The following RFT1 variants were observed in gnomAD, a reference collection of about 807,000 sequenced individuals.
RFT1 encodes the protein man(5)GlcNAc(2)-PP-dolichol translocation protein RFT1.
In RFT1, 43 loss-of-function variants were observed where a neutral mutation model predicts 62.2. The observed-to-expected ratio is 0.69, with a 90% CI of 0.54 to 0.89. RFT1 has a LOEUF of 0.89. Ranked by LOEUF, RFT1 falls within the 40% of genes least tolerant of loss-of-function variation. RFT1 has a pLI of 0.00. For synonymous variants in RFT1, 262 were observed against 264.6 expected (o/e 0.99, Z 0.10); for missense variants, 605 against 649.9 (o/e 0.93, Z 0.75).
intron 6 of RFT1, among the ~76,000 whole-genome samples, chr3:53,119,404 G>C (rs1168250948): frequency 6.6e-6 from 1 of 152,210 alleles, no homozygotes; most frequent in Non-Finnish European, 1.5e-5. Flanking sequence ...ACCTAGGACA[G>C]GTATTTATTC....
the RFT1 span, among the ~76,000 whole-genome samples, chr3:53,074,589 C>T: frequency 2.6e-5 from 4 of 152,134 alleles, no homozygotes; most frequent in African/African-American, 2.4e-5. Context: ...CCAGCTAGGC[C>T]TGGGCCCAGG....
chr3:53,093,057 A>C (rs1701042835), intron 11 of RFT1, among the ~76,000 whole-genome samples: 1 of 152,220 alleles, frequency 6.6e-6, no homozygotes, highest in African/African-American at 2.4e-5. Flanking sequence ...AGACAAGGGA[A>C]GCAGCACAGA....
chr3:53,092,642 G>C, intron 11 of RFT1, 24 bp from the exon 12 acceptor site: 1 of 1,605,638 alleles, frequency 6.2e-7, no homozygotes, highest in Non-Finnish European at 8.5e-7. Flanking sequence ...AGGAAAAGGA[G>C]GGCAGTGGTG....
intron 6 of RFT1, among the ~76,000 whole-genome samples, chr3:53,119,056 AT>A (rs1420383880): frequency 2.1e-5 from 3 of 143,636 alleles, no homozygotes; most frequent in South Asian, 2.2e-4. Context: ...ACAAAAAAAA[AT>A]TTTTTAATTA....
At chr3:53,116,519 C>G (rs1198899797) in intron 6 of RFT1, among the ~76,000 whole-genome samples, 1 of 151,756 alleles carries the variant, frequency 6.6e-6, no homozygotes, top group Non-Finnish European at 1.5e-5. Flanking sequence ...GTCTCAAACT[C>G]CTGGGCTCAA....
intron 6 of RFT1, among the ~76,000 whole-genome samples, chr3:53,118,236 C>A (rs1169601456): frequency 6.6e-6 from 1 of 152,162 alleles, no homozygotes; most frequent in Non-Finnish European, 1.5e-5. Context: ...GTATGAAAAT[C>A]TGCCAGGCTT....
At position 53,103,121 on chromosome 3, in the gene RFT1, C is replaced by T. The variant is rs866895226; in HGVS notation, c.1102+832G>A. On this transcript the variant is annotated intron_variant, in intron 10 of 12. Coordinates refer to ENST00000296292, the MANE Select transcript of RFT1 (RefSeq NM_052859.4). The stretch of plus-strand genomic sequence containing the variant: ...CCTTTGCTCTGGTATAGAAACCTGG[C>T]CCTTCCTCCCCTAACACCAAAAGTT... 1.6e-5 allele frequency: 16 copies of T among 985,292 alleles called. No individual in the cohort carries two copies. In the East Asian group the frequency reaches 4.5e-4, roughly 28 times the overall value. The allele number at this position is 985,292 out of a possible 1,614,324, so 61.0% of individuals were successfully genotyped here. A position where few individuals can be genotyped will look rare whatever the true frequency, so the allele number is the denominator to read the frequency against.
Position 53,123,814 on chromosome 3 carries a change from A to C in RFT1, c.176T>G (p.Leu59Arg), listed in dbSNP as rs1245207439. 1 of 1,614,140 alleles carries C rather than the reference A, an allele frequency of 6.2e-7. No individual in the cohort carries two copies. The highest frequency in any genetic ancestry group is 2.2e-5 in the East Asian group (1 of 44,890). Residue 59 changes from leucine (L) to arginine (R), a missense_variant, in exon 3 of 13, where the codon CTC becomes CGC. By Grantham distance (102) the Leu-to-Arg change is moderately radical. Transcript: ENST00000296292. ...VRLTLLYSTTLFLAREAFRRA... is the reference protein window; with the variant it reads ...VRLTLLYSTTRFLAREAFRRA... ...GCGGAAGGCCTCTCTGGCCAGGAAG[A>C]GGGTGGTTGAGTAAAGCAGCGTTAG...
intron 1 of RFT1, among the ~76,000 whole-genome samples, chr3:53,129,384 C>G (rs1370441182): frequency 6.6e-6 from 1 of 152,176 alleles, no homozygotes; most frequent in Non-Finnish European, 1.5e-5. Flanking sequence ...GAAACTGATA[C>G]AGAAGTCATC....
chr3:53,068,391 C>T, the RFT1 span, among the ~76,000 whole-genome samples: 3 of 152,190 alleles, frequency 2.0e-5, no homozygotes, highest in African/African-American at 4.8e-5. Flanking sequence ...GGCACCTACT[C>T]GACACGGTGC....
At chr3:53,097,161 T>C (rs1201986384) in intron 11 of RFT1, among the ~76,000 whole-genome samples, 1 of 152,214 alleles carries the variant, frequency 6.6e-6, no homozygotes, top group Non-Finnish European at 1.5e-5. Flanking sequence ...TTATAATTGA[T>C]TGTAACAGTT....
intron 6 of RFT1, among the ~76,000 whole-genome samples, chr3:53,119,153 G>A (rs989240847): frequency 3.3e-5 from 5 of 151,932 alleles, no homozygotes; most frequent in African/African-American, 1.2e-4. Context: ...GGTCAAGGCT[G>A]TAGTGAGCTA....
chr3:53,099,974 C>G, intron 10 of RFT1, among the ~76,000 whole-genome samples: 1 of 152,128 alleles, frequency 6.6e-6, no homozygotes, highest in South Asian at 2.1e-4. Context: ...GGTGACAGAA[C>G]AAGACCTTAT....
chr3:53,074,463 G>A, the RFT1 span, among the ~76,000 whole-genome samples: 1 of 151,984 alleles, frequency 6.6e-6, no homozygotes, highest in South Asian at 2.1e-4. Flanking sequence ...CTTTTCCAGG[G>A]TCCCCAGAGC....
chr3:53,118,939 G>A (rs758850173), intron 6 of RFT1, among the ~76,000 whole-genome samples: 4 of 152,292 alleles, frequency 2.6e-5, no homozygotes, highest in Admixed American at 2.0e-4. Flanking sequence ...ACGTGAGGCC[G>A]GGCGTGGTGG....
chr3:53,121,740 A>G lies in RFT1; in HGVS notation c.517T>C (p.Trp173Arg). Residue 173 changes from tryptophan to arginine, a missense_variant, in exon 5 of 13, where the codon TGG (tryptophan) becomes CGG (arginine). Physicochemically the swap from Trp to Arg is moderately radical, Grantham distance 101. Transcript: ENST00000296292. The stretch of plus-strand genomic sequence containing the variant: ...ATGTACAATCCCCAGTGAGGCAACC[A>G]CAGCACGAGAAAAGCTGTCAGAACG... Reference protein sequence around the residue: ...KSVLTAFLVLWLPHWGLYIFS... With the variant: ...KSVLTAFLVLRLPHWGLYIFS... The G allele has an allele frequency of 6.2e-7, 1 of 1,614,146 alleles. No homozygotes were observed. Among genetic ancestry groups the G allele is most frequent in the East Asian group, 2.2e-5 (1 of 44,886 alleles).
intron 1 of RFT1, among the ~76,000 whole-genome samples, chr3:53,126,282 T>C (rs943106033): frequency 6.6e-6 from 1 of 152,190 alleles, no homozygotes; most frequent in Non-Finnish European, 1.5e-5. Context: ...CTCACTGAGT[T>C]TCTACAAAGT....
At chr3:53,067,425 C>T in the RFT1 span, among the ~76,000 whole-genome samples, 3 of 152,134 alleles carry the variant, frequency 2.0e-5, no homozygotes, top group Non-Finnish European at 4.4e-5. Context: ...TGTATGACGA[C>T]ATTTGGGTGA....
chr3:53,110,655 T>C (rs899968013), intron 7 of RFT1, among the ~76,000 whole-genome samples: 4 of 151,716 alleles, frequency 2.6e-5, no homozygotes, highest in Admixed American at 2.0e-4. Flanking sequence ...AAAATACAGA[T>C]GGGGGGGAAA....
Sources: allele counts gnomAD v4.1 joint callset (sites outside exome capture counted in the v4.1 genomes callset), GRCh38; gene constraint gnomAD v4.1.1; transcripts MANE v1.5; gene names NCBI Gene and HGNC (gene_info 2026-07-23, HGNC 2026-07-21).